THOP1: variants seen among roughly 807,000 people sequenced by gnomAD.
THOP1 encodes thimet oligopeptidase.
A neutral mutation model predicts 71.8 loss-of-function variants in THOP1; 49 were observed. The ratio of observed to expected loss-of-function variants is 0.68; its 90% CI spans 0.54 to 0.87. The LOEUF is 0.87. Among genes scored for constraint, THOP1 ranks in the 40% least tolerant of loss-of-function variants. The probability of loss-of-function intolerance (pLI) is 0.00; values close to 1 mark genes in which losing one functional copy is unlikely to be tolerated. For missense variants in THOP1, 843 were observed against 975.6 expected (o/e 0.86, Z 1.81); for synonymous variants, 426 against 421.5 (o/e 1.01, Z -0.13).
At chr19:2,794,656 T>G in intron 2 of THOP1, 108 bp from the exon 3 acceptor site, 1 of 1,377,378 alleles carries the variant, frequency 7.3e-7, no homozygotes, top group East Asian at 2.4e-5. Context: ...CAGGAGAGAG[T>G]TCACGGGGGG....
intron 5 of THOP1, among the ~76,000 whole-genome samples, chr19:2,800,422 T>G (rs188997607): frequency 1.3e-5 from 2 of 152,340 alleles, no homozygotes; most frequent in Admixed American, 1.3e-4. Context: ...GGGCTCAGGA[T>G]CTGCCTGCCT....
intron 1 of THOP1, among the ~76,000 whole-genome samples, chr19:2,787,552 C>T (rs772663183): frequency 4.6e-5 from 7 of 152,138 alleles, no homozygotes; most frequent in Non-Finnish European, 1.0e-4. Context: ...AATGTAGATC[C>T]ACAGTCCCTT....
rs1307946045 is a variant in THOP1, at chr19:2,804,003, G to A, written c.590-1013G>A. The stretch of plus-strand genomic sequence containing the variant: ...CTGGGGTCGGCGTGAGCTCCCGATC[G>A]TTCTTTCTACCCCTACTGCTCTGGG... On this transcript the variant is annotated intron_variant, in intron 5 of 12. Transcript: ENST00000307741. The surrounding 1 kb of genome is among the most constrained non-coding windows in gnomAD (Gnocchi z 4.7). Among the ~76,000 whole-genome samples the A allele has an allele frequency of 2.6e-5, 4 of 151,074 alleles. No homozygotes were observed. Among genetic ancestry groups the A allele is most frequent in the African/African-American group, 4.9e-5 (2 of 41,000 alleles).
chr19:2,789,965 G>A (rs933604248), intron 1 of THOP1: 35 of 157,390 alleles, frequency 2.2e-4, no homozygotes, highest in Admixed American at 1.5e-3. Context: ...ATATTGTTCA[G>A]GCTGGTCTCA....
In THOP1 at chr19:2,808,458, CGGGCAGGGGCAGGGGCAG is replaced by C. The variant is rs369163630; in HGVS notation, c.1455+31_1455+48del. ...CTCTGCTCCCAGGTGGGTGCGGGCC[CGGGCAGGGGCAGGGGCAG>C]GGGCAGGGGCAGGGGCTGCCTGTGG... On this transcript the variant is annotated intron_variant, in intron 9 of 12. Coordinates refer to ENST00000307741, the MANE Select transcript of THOP1 (RefSeq NM_003249.5). 4.1e-5 allele frequency: 65 copies of C among 1,577,262 alleles called. No individual in the cohort carries two copies. The African/African-American group carries it at 6.1e-4, about 15-fold the overall frequency.
rs142167630 is a variant in THOP1 at position 2,808,420 on chromosome 19, C to T, written c.1431C>T (p.His477=). Reference sequence around the variant, plus strand: ...AGACCTACTTCCATGAGTTTGGCCACGTGATGCACCAGCTCTGCTCCCAGG... The same window carrying T: ...AGACCTACTTCCATGAGTTTGGCCATGTGATGCACCAGCTCTGCTCCCAGG... The part of the protein sequence containing the change: ...EVETYFHEFG[H]VMHQLCSQAE... Residue 477 remains histidine (H), a synonymous_variant, in exon 9 of 13, where the codon CAC becomes CAT. Transcript: ENST00000307741. 1.2e-5 allele frequency: 20 copies of T among 1,608,088 alleles called. No individual in the cohort carries two copies. The highest frequency in any genetic ancestry group is 5.5e-5 in the South Asian group (5 of 90,828).
At chr19:2,789,929 AT>A (rs1271078691) in intron 1 of THOP1, 1 of 159,330 alleles carries the variant, frequency 6.3e-6, no homozygotes, top group Non-Finnish European at 1.4e-5. Flanking sequence ...TAATTTTTGT[AT>A]TTTTGGTACA....
At chr19:2,795,739 C>T (rs1251325670) in intron 3 of THOP1, among the ~76,000 whole-genome samples, 1 of 152,186 alleles carries the variant, frequency 6.6e-6, no homozygotes, top group Non-Finnish European at 1.5e-5. Context: ...AATGCCTTTG[C>T]CAACTTTGCC....
intron 1 of THOP1, chr19:2,787,012 C>T (rs1242308644): frequency 1.3e-5 from 2 of 152,246 alleles, no homozygotes; most frequent in East Asian, 3.8e-4. Flanking sequence ...GCCTCGGCCT[C>T]CCAAAGTGCT....
At chr19:2,807,996 A>T in intron 8 of THOP1, 188 bp downstream of exon 8, 1 of 802,522 alleles carries the variant, frequency 1.2e-6, no homozygotes, top group Non-Finnish European at 1.9e-6. Flanking sequence ...TTCCAGTCTC[A>T]CTCAGCCACC....
intron 4 of THOP1, among the ~76,000 whole-genome samples, chr19:2,798,982 G>A (rs772084295): frequency 1.3e-5 from 2 of 152,186 alleles, no homozygotes; most frequent in Non-Finnish European, 2.9e-5. Flanking sequence ...ATATCACCAG[G>A]GTCGAGTTTT....
chr19:2,785,615 G>A lies in THOP1; in HGVS notation c.-48G>A, dbSNP rs930249073. ...CTCAGTGGCCGAGGTGGCTGGACGC[G>A]TAGCAGGTGGAAGGAGGGAGGGAGC... On this transcript the variant is annotated 5_prime_UTR_variant, in exon 1 of 13. Transcript: ENST00000307741. 17 of 1,500,732 alleles carry A rather than the reference G, an allele frequency of 1.1e-5. No individual in the cohort carries two copies. The highest frequency in any genetic ancestry group is 2.8e-5 in the East Asian group (1 of 35,666). The allele number at this position is 1,500,732 out of a possible 1,614,324, so 93.0% of individuals were successfully genotyped here. A position where few individuals can be genotyped will look rare whatever the true frequency, so the allele number is the denominator to read the frequency against.
intron 9 of THOP1, 43 bp downstream of exon 9, chr19:2,808,487 A>T: frequency 1.3e-6 from 2 of 1,520,546 alleles, no homozygotes; most frequent in Non-Finnish European, 1.8e-6. Context: ...GGGCAGGGGC[A>T]GGGGCTGCCT....
intron 3 of THOP1, among the ~76,000 whole-genome samples, chr19:2,795,162 G>A (rs1915984542): frequency 6.6e-6 from 1 of 152,222 alleles, no homozygotes. Context: ...GTTTTGCCAT[G>A]TTGGTCAGGC....
At position 2,804,104 on chromosome 19, in the gene THOP1, A is replaced by T. The variant is rs143535663; in HGVS notation, c.590-912A>T. Among the ~76,000 whole-genome samples the T allele has an allele frequency of 1.4e-3, 208 of 151,518 alleles. 1 individual carries two copies. The highest frequency in any genetic ancestry group is 4.9e-3 in the African/African-American group (203 of 41,270). ...GAGTGAGCTCCCGATCATTCTTTCC[A>T]CTCTGACCGCCCTGGGGTTGAGGTG... is the stretch of plus-strand genomic sequence containing the variant. On this transcript the variant is annotated intron_variant, in intron 5 of 12. Coordinates refer to ENST00000307741, the MANE Select transcript of THOP1 (RefSeq NM_003249.5). This position sits in a 1 kb window ranked among gnomAD's most constrained non-coding sequence, Gnocchi z 4.7.
At chr19:2,810,137 G>A (rs1026891792) in intron 9 of THOP1, 167 bp from the exon 10 acceptor site, 3 of 855,300 alleles carry the variant, frequency 3.5e-6, no homozygotes, top group Non-Finnish European at 5.3e-6. Context: ...AGCAGCCCAG[G>A]GGCCTCCGGG....
chr19:2,804,884 GCT>G lies in THOP1; in HGVS notation c.590-131_590-130del. 1 of 859,128 alleles carries G rather than the reference GCT, an allele frequency of 1.2e-6. No homozygotes were observed. The highest frequency in any genetic ancestry group is 1.7e-6 in the Non-Finnish European group (1 of 577,680). The allele number at this position is 859,128 out of a possible 1,614,324, so 53.2% of individuals were successfully genotyped here. A position where few individuals can be genotyped will look rare whatever the true frequency, so the allele number is the denominator to read the frequency against. On this transcript the variant is annotated intron_variant, in intron 5 of 12. Coordinates refer to ENST00000307741, the MANE Select transcript of THOP1 (RefSeq NM_003249.5). This position sits in a 1 kb window ranked among gnomAD's most constrained non-coding sequence, Gnocchi z 4.7. ...AAGAATTGCAGCGGGTGGTGGCCAG[GCT>G]GCAGCTGCTCGCTGAGGGCCCCCTT...
intron 12 of THOP1, chr19:2,812,510 C>T: frequency 1.9e-6 from 2 of 1,045,922 alleles, no homozygotes; most frequent in Non-Finnish European, 2.6e-6. Context: ...GAGGCAGCCT[C>T]CAGCAGCTCC....
chr19:2,801,371 T>C lies in THOP1; in HGVS notation c.589+1580T>C, dbSNP rs1255800088. On this transcript the variant is annotated intron_variant, in intron 5 of 12. Coordinates refer to ENST00000307741, the MANE Select transcript of THOP1 (RefSeq NM_003249.5). This position sits in a 1 kb window ranked among gnomAD's most constrained non-coding sequence, Gnocchi z 5.1. ...ACGTTTGCCATCCTGCAAACTCGAA[T>C]GTTTGTGGATTTTGGTGTCTAACTC... Among the ~76,000 whole-genome samples the C allele has an allele frequency of 6.6e-6, 1 of 152,200 alleles. No homozygotes were observed. Among genetic ancestry groups the C allele is most frequent in the Admixed American group, 6.5e-5 (1 of 15,284 alleles).
Sources: gnomAD v4.1 joint callset for allele counts (sites outside exome capture counted in the v4.1 genomes callset) on GRCh38, gnomAD v4.1.1 for gene constraint, Gnocchi (gnomAD v3.1) non-coding constraint, MANE v1.5 for transcripts, NCBI Gene and HGNC (gene_info 2026-07-23, HGNC 2026-07-21) for gene names.